LMLN: variants seen among roughly 807,000 people sequenced by gnomAD.
The protein encoded by LMLN is leishmanolysin like peptidase.
LMLN carries 70 observed loss-of-function variants against 92.3 expected under a neutral mutation model. The ratio of observed to expected loss-of-function variants is 0.76; its 90% CI spans 0.63 to 0.92. LMLN has a LOEUF of 0.92. Among genes scored for constraint, LMLN ranks in the 40% least tolerant of loss-of-function variants. The pLI, the probability that LMLN is intolerant of heterozygous loss-of-function variation, is 0.00. For synonymous variants in LMLN, 308 were observed against 296.2 expected, an observed-to-expected ratio of 1.04 and a Z score of -0.41; for missense variants, 691 against 814.6, an observed-to-expected ratio of 0.85 and a Z score of 1.85.
intron 8 of LMLN, among the ~76,000 whole-genome samples, chr3:197,986,552 A>G (rs936068563): frequency 4.6e-5 from 7 of 152,228 alleles, no homozygotes; most frequent in African/African-American, 1.4e-4. Flanking sequence ...CTTTAACTGT[A>G]TTTGGGGAAA....
Position 198,036,025 on chromosome 3 carries a change from A to AC in LMLN, c.1852dup (p.Arg618ProfsTer6), listed in dbSNP as rs1202841314. On this transcript the variant is annotated frameshift_variant, in exon 15 of 16. Coordinates refer to ENST00000330198, the Ensembl canonical transcript of LMLN. LOFTEE classifies it high-confidence loss of function. The stretch of plus-strand genomic sequence containing the variant: ...AACAGATCCTCCAGCCACTAACCTG[A>AC]CCCGAGCTCTGCCACTTGGTGAGTG... 1 of 1,613,526 alleles carries AC rather than the reference A, an allele frequency of 6.2e-7. No homozygotes were observed. Among genetic ancestry groups the AC allele is most frequent in the Admixed American group, 1.7e-5 (1 of 60,010 alleles).
chr3:198,001,219 T>A (rs1213471780), intron 11 of LMLN, among the ~76,000 whole-genome samples: 1 of 152,242 alleles, frequency 6.6e-6, no homozygotes, highest in Non-Finnish European at 1.5e-5. Context: ...CTGTCTTCCC[T>A]ACTAGATTAT....
chr3:198,034,175 G>T (rs1056658863), intron 14 of LMLN, among the ~76,000 whole-genome samples: 1 of 152,158 alleles, frequency 6.6e-6, no homozygotes, highest in African/African-American at 2.4e-5. Flanking sequence ...TTAAAAATTT[G>T]CTACCATCAG....
chr3:198,014,469 A>G (rs1337200174), intron 11 of LMLN, among the ~76,000 whole-genome samples: 2 of 133,456 alleles, frequency 1.5e-5, no homozygotes, highest in Admixed American at 1.5e-4. Flanking sequence ...TCCACCCTTC[A>G]GAGCCCCCTA....
rs562755238 is a variant in LMLN at position 197,960,221 on chromosome 3, C to T, written c.-1C>T. On this transcript the variant is annotated 5_prime_UTR_variant, in exon 1 of 16. Transcript: ENST00000330198. ...GCGGGCGCAGAGGCGTCACGCACTC[C>T]ATGGTAACGACGCTCGGCCCGAAGA... is the stretch of plus-strand genomic sequence containing the variant. The T allele has an allele frequency of 1.9e-6, 3 of 1,605,752 alleles. No individual in the cohort carries two copies. In the South Asian group the frequency reaches 3.3e-5, roughly 18 times the overall value.
At chr3:197,961,133 C>G (rs761494876) in intron 1 of LMLN, among the ~76,000 whole-genome samples, 6 of 152,164 alleles carry the variant, frequency 3.9e-5, no homozygotes, top group Non-Finnish European at 8.8e-5. Context: ...AAAAGTACAT[C>G]GTGTCTGTAC....
intron 14 of LMLN, among the ~76,000 whole-genome samples, chr3:198,033,502 G>A (rs1440013495): frequency 3.3e-5 from 5 of 151,434 alleles, no homozygotes; most frequent in South Asian, 2.1e-4. Context: ...CTGCAACCTC[G>A]GCCTCCTGGG....
chr3:197,981,919 C>T (rs1392860259), intron 6 of LMLN, among the ~76,000 whole-genome samples: 3 of 152,068 alleles, frequency 2.0e-5, no homozygotes, highest in Non-Finnish European at 2.9e-5. Flanking sequence ...ATTCTCCTGC[C>T]TCAGCTTCCC....
chr3:197,989,211 A>C (rs1360679424), intron 8 of LMLN, among the ~76,000 whole-genome samples: 1 of 152,134 alleles, frequency 6.6e-6, no homozygotes, highest in African/African-American at 2.4e-5. Flanking sequence ...AACGCACCAC[A>C]CCGCTCCTGT....
intron 1 of LMLN, among the ~76,000 whole-genome samples, chr3:197,962,880 C>T (rs1399076578): frequency 6.6e-6 from 1 of 151,040 alleles, no homozygotes; most frequent in East Asian, 1.9e-4. Context: ...CTTTGTTCTT[C>T]CTTTTCAAAA....
chr3:197,981,949 T>A (rs1485486483), intron 6 of LMLN, among the ~76,000 whole-genome samples: 1 of 151,954 alleles, frequency 6.6e-6, no homozygotes, highest in Non-Finnish European at 1.5e-5. Context: ...GAACTACAGG[T>A]GTGCGCCACT....
At chr3:198,003,074 G>C (rs1722219607) in intron 11 of LMLN, 1 of 1,551,392 alleles carries the variant, frequency 6.4e-7, no homozygotes, top group African/African-American at 1.4e-5. Context: ...GGAATGGGCT[G>C]TGACTTTGTC....
chr3:197,960,290 C>T (rs1456847079), exon 1 of LMLN: 1 of 1,613,662 alleles, frequency 6.2e-7, no homozygotes, highest in Non-Finnish European at 8.5e-7. Flanking sequence ...CGGGCTCAGG[C>T]CCGGGCCGGA....
At chr3:197,993,500 A>C (rs1390395688) in intron 9 of LMLN, among the ~76,000 whole-genome samples, 1 of 151,702 alleles carries the variant, frequency 6.6e-6, no homozygotes, top group Non-Finnish European at 1.5e-5. Flanking sequence ...AATCTCTTTT[A>C]CAATAGCTAC....
In LMLN at chr3:198,025,657, A is replaced by G. The variant is rs73891804; in HGVS notation, c.1656+869A>G. ...AGTACTGGGATTATAGATGGCGGCCACCATGCCTCGCCTACTATTTCCTTA... is the reference window on the plus strand; with the variant it reads ...AGTACTGGGATTATAGATGGCGGCCGCCATGCCTCGCCTACTATTTCCTTA... On this transcript the variant is annotated intron_variant, in intron 14 of 15. Transcript: ENST00000330198. The surrounding 1 kb of genome is among the most constrained non-coding windows in gnomAD (Gnocchi z 4.3). 1.6e-3 allele frequency among the ~76,000 whole-genome samples: 241 copies of G among 152,364 alleles called. 1 individual carries two copies. Among genetic ancestry groups the G allele is most frequent in the African/African-American group, 5.3e-3 (222 of 41,588 alleles).
chr3:198,024,537 A>C (rs1192899552), intron 13 of LMLN, 121 bp from the exon 15 acceptor site: 1 of 968,674 alleles, frequency 1.0e-6, no homozygotes, highest in Non-Finnish European at 1.4e-6. Context: ...TTAAATTTAA[A>C]ATTTCCATGA....
At position 198,025,156 on chromosome 3, in the gene LMLN, C is replaced by G. The variant is rs906423314; in HGVS notation, c.1656+368C>G. The stretch of plus-strand genomic sequence containing the variant: ...GGGTTATAAGAATTAGTAAATCAGG[C>G]TGGACGTGGTGGCTCACGCCTGTAA... On this transcript the variant is annotated intron_variant, in intron 14 of 15. Coordinates refer to ENST00000330198, the Ensembl canonical transcript of LMLN. The surrounding 1 kb of genome is among the most constrained non-coding windows in gnomAD (Gnocchi z 4.3). Among the ~76,000 whole-genome samples the G allele has an allele frequency of 2.0e-5, 3 of 152,120 alleles. No homozygotes were observed. Among genetic ancestry groups the G allele is most frequent in the African/African-American group, 7.2e-5 (3 of 41,418 alleles).
intron 1 of LMLN, among the ~76,000 whole-genome samples, chr3:197,963,201 C>CTT (rs59827521): frequency 0.014 from 2,044 of 144,018 alleles, 19 homozygotes; most frequent in Non-Finnish European, 0.017. Flanking sequence ...TTTTCTCTCT[C>CTT]TTTTTTTTTT....
rs949582586 is a variant in LMLN, at chr3:197,975,075, A to G, written c.348+3A>G. On this transcript the variant is annotated splice_donor_region_variant and intron_variant, in intron 3 of 15. Transcript: ENST00000330198. ...CTGAGAAAAAGAATCTTGTAAAGGT[A>G]TGTAATAAATACTCATAACTTGAAT... 2 of 1,447,634 alleles carry G rather than the reference A, an allele frequency of 1.4e-6. No homozygotes were observed. Among genetic ancestry groups the G allele is most frequent in the Non-Finnish European group, 1.9e-6 (2 of 1,039,566 alleles). 89.7% of individuals were successfully genotyped at this position (1,447,634 alleles called of 1,614,324 possible).
Sources: allele counts gnomAD v4.1 joint callset (sites outside exome capture counted in the v4.1 genomes callset), GRCh38; gene constraint gnomAD v4.1.1; non-coding constraint Gnocchi (gnomAD v3.1); transcripts MANE v1.5; gene names NCBI Gene and HGNC (gene_info 2026-07-23, HGNC 2026-07-21).